ROR1: variants seen among roughly 807,000 people sequenced by gnomAD.
The protein encoded by ROR1 is ROR family WNT receptor 1, also known as inactive tyrosine-protein kinase transmembrane receptor ROR1.
Under a neutral mutation model 78.8 loss-of-function variants are expected in ROR1, and 19 were observed. The ratio of observed to expected loss-of-function variants is 0.24; its 90% CI spans 0.17 to 0.35. ROR1 has a LOEUF of 0.35. Among genes scored for constraint, ROR1 ranks in the 10% least tolerant of loss-of-function variants. The pLI is 1.00. For synonymous variants in ROR1, 386 were observed against 433.6 expected, an observed-to-expected ratio of 0.89 and a Z score of 1.36; for missense variants, 917 against 1,177.8, an observed-to-expected ratio of 0.78 and a Z score of 3.24.
At chr1:63,935,889 A>G (rs956867591) in intron 1 of ROR1, among the ~76,000 whole-genome samples, 1 of 152,244 alleles carries the variant, frequency 6.6e-6, no homozygotes, top group Non-Finnish European at 1.5e-5. Flanking sequence ...CACACTTGTG[A>G]TAAAAGGAGT....
chr1:63,789,989 C>T (rs1644715974), intron 1 of ROR1, among the ~76,000 whole-genome samples: 1 of 152,146 alleles, frequency 6.6e-6, no homozygotes, highest in East Asian at 1.9e-4. Context: ...TGTTCCCTCC[C>T]ACAGAAGCAC....
intron 1 of ROR1, among the ~76,000 whole-genome samples, chr1:64,001,988 G>A (rs1433187981): frequency 6.6e-6 from 1 of 152,090 alleles, no homozygotes; most frequent in Admixed American, 6.5e-5. Context: ...TGTGGTGGGG[G>A]TGGTGGCTAG....
At chr1:64,054,689 AG>A (rs1420532413) in intron 4 of ROR1, among the ~76,000 whole-genome samples, 1 of 152,212 alleles carries the variant, frequency 6.6e-6, no homozygotes, top group Non-Finnish European at 1.5e-5. Flanking sequence ...ACATTATCCT[AG>A]GTTTGTACAA....
chr1:64,066,899 A>G (rs1443500292), intron 4 of ROR1, among the ~76,000 whole-genome samples: 1 of 152,230 alleles, frequency 6.6e-6, no homozygotes, highest in Non-Finnish European at 1.5e-5. Flanking sequence ...ATTATATATA[A>G]TTCAGGTATA....
At chr1:63,871,140 A>G (rs1645248716) in intron 1 of ROR1, among the ~76,000 whole-genome samples, 1 of 152,200 alleles carries the variant, frequency 6.6e-6, no homozygotes. Flanking sequence ...TTCACATTAT[A>G]ATTTTATTGC....
intron 1 of ROR1, among the ~76,000 whole-genome samples, chr1:63,902,091 T>G (rs1351839628): frequency 6.6e-6 from 1 of 152,214 alleles, no homozygotes; most frequent in African/African-American, 2.4e-5. Flanking sequence ...ATGGTTGGAC[T>G]TCAAGGCTTT....
intron 1 of ROR1, among the ~76,000 whole-genome samples, chr1:63,891,897 G>C (rs1645399860): frequency 6.6e-6 from 1 of 152,038 alleles, no homozygotes; most frequent in African/African-American, 2.4e-5. Context: ...CTTGGCTTTT[G>C]GAGATGGCAT....
At chr1:63,836,934 T>C (rs1645021702) in intron 1 of ROR1, among the ~76,000 whole-genome samples, 1 of 152,190 alleles carries the variant, frequency 6.6e-6, no homozygotes, top group Non-Finnish European at 1.5e-5. Flanking sequence ...ATGAAGTGTG[T>C]GTGCGTGTTT....
chr1:63,824,402 T>A (rs1410711593), intron 1 of ROR1, among the ~76,000 whole-genome samples: 1 of 152,194 alleles, frequency 6.6e-6, no homozygotes, highest in African/African-American at 2.4e-5. Context: ...CTTTCATTTG[T>A]CACAAAATAT....
chr1:64,007,657 T>C (rs11208333), intron 1 of ROR1, among the ~76,000 whole-genome samples: 4,402 of 152,248 alleles, frequency 0.029, 236 homozygotes, highest in African/African-American at 0.1. Context: ...TTTTAAGTTA[T>C]TTACCACAAA....
intron 1 of ROR1, among the ~76,000 whole-genome samples, chr1:63,883,026 A>G (rs1040453215): frequency 1.3e-5 from 2 of 152,044 alleles, no homozygotes; most frequent in African/African-American, 2.4e-5. Context: ...CTGGAAAGCA[A>G]ATTTCAGCTC....
At chr1:64,010,690 A>C (rs2100544648) in intron 2 of ROR1, among the ~76,000 whole-genome samples, 1 of 152,222 alleles carries the variant, frequency 6.6e-6, no homozygotes, top group Non-Finnish European at 1.5e-5. Context: ...AGTTCCCATA[A>C]TCCCTACGTG....
At chr1:63,956,622 T>C (rs1645984680) in intron 1 of ROR1, among the ~76,000 whole-genome samples, 1 of 152,238 alleles carries the variant, frequency 6.6e-6, no homozygotes, top group South Asian at 2.1e-4. Context: ...GGCATTGATT[T>C]ACTTTGTGAA....
intron 1 of ROR1, among the ~76,000 whole-genome samples, chr1:63,790,088 A>G (rs766676051): frequency 6.6e-6 from 1 of 152,172 alleles, no homozygotes; most frequent in Non-Finnish European, 1.5e-5. Context: ...TTCCACTCAC[A>G]TGCTCTCCTA....
intron 2 of ROR1, among the ~76,000 whole-genome samples, chr1:64,013,259 G>A (rs558628498): frequency 1.7e-4 from 26 of 152,124 alleles, no homozygotes; most frequent in Non-Finnish European, 3.1e-4. Flanking sequence ...GCATATTTTA[G>A]GGTTGGGGTA....
chr1:63,898,580 AAG>A lies in ROR1; in HGVS notation c.92-110715_92-110714del, dbSNP rs557865637. Among the ~76,000 whole-genome samples the A allele has an allele frequency of 6.6e-5, 10 of 151,758 alleles. No individual in the cohort carries two copies. The East Asian group carries it at 1.2e-3, about 18-fold the overall frequency. ...AGGGAAAGAAAGAAGGAAGGAAGGA[AAG>A]AGAGAGAGAAAAAATAAAAAGGAAA... On this transcript the variant is annotated intron_variant, in intron 1 of 8. Coordinates refer to ENST00000371079, the MANE Select transcript of ROR1 (RefSeq NM_005012.4).
chr1:63,873,469 G>A (rs866520259), intron 1 of ROR1, among the ~76,000 whole-genome samples: 1 of 152,076 alleles, frequency 6.6e-6, no homozygotes, highest in Non-Finnish European at 1.5e-5. Context: ...GAGTGAGCAG[G>A]CCTAGGCTGG....
At chr1:63,843,090 A>T (rs1645058816) in intron 1 of ROR1, 2 of 543,784 alleles carry the variant, frequency 3.7e-6, no homozygotes, top group African/African-American at 3.8e-5. Flanking sequence ...CCCTGCTGGG[A>T]TCCCCCCAGC....
chr1:64,177,704 A>G lies in ROR1; in HGVS notation c.1663A>G (p.Ile555Val). ...EQPVCMLFEY[I>V]NQGDLHEFLI... ...ACCTGTGTGCATGCTTTTTGAGTAT[A>G]TTAATCAGGGGGATCTCCATGAGTT... is the stretch of plus-strand genomic sequence containing the variant. The change falls in exon 9 of 9, where the codon ATT becomes GTT. Residue 555 changes from isoleucine to valine, a missense_variant. Coordinates refer to ENST00000371079, the MANE Select transcript of ROR1 (RefSeq NM_005012.4). 6.2e-7 allele frequency: 1 copy of G among 1,614,208 alleles called. No individual in the cohort carries two copies. The highest frequency in any genetic ancestry group is 1.3e-5 in the African/African-American group (1 of 75,062).
Sources: gnomAD v4.1 joint callset for allele counts (sites outside exome capture counted in the v4.1 genomes callset) on GRCh38, gnomAD v4.1.1 for gene constraint, MANE v1.5 for transcripts, NCBI Gene and HGNC (gene_info 2026-07-23, HGNC 2026-07-21) for gene names.